The following KAZN variants were observed in gnomAD, a reference collection of about 807,000 sequenced individuals.
KAZN encodes kazrin, periplakin interacting protein, also known as kazrin.
KAZN carries 40 observed loss-of-function variants against 87.4 expected under a neutral mutation model. The observed-to-expected ratio is 0.46, with a 90% CI of 0.36 to 0.60. The LOEUF (loss-of-function observed/expected upper bound fraction) is 0.60. Among genes scored for constraint, KAZN ranks in the 20% least tolerant of loss-of-function variants. The pLI is 0.00. For synonymous variants in KAZN, 466 were observed against 458.3 expected (o/e 1.02, Z -0.22); for missense variants, 898 against 1,073.9 (o/e 0.84, Z 2.29).
intron 2 of KAZN, among the ~76,000 whole-genome samples, chr1:14,203,105 A>G (rs548553851): frequency 6.6e-6 from 1 of 152,124 alleles, no homozygotes; most frequent in South Asian, 2.1e-4. Flanking sequence ...ATGTTGCATT[A>G]TACTAGATAA....
At chr1:14,022,133 A>G (rs1365747611) in intron 1 of KAZN, among the ~76,000 whole-genome samples, 2 of 151,956 alleles carry the variant, frequency 1.3e-5, no homozygotes, top group Non-Finnish European at 2.9e-5. Flanking sequence ...AGGACTGAAT[A>G]ATGACTAGGA....
At chr1:14,420,543 C>G (rs953099739) in intron 2 of KAZN, among the ~76,000 whole-genome samples, 1 of 152,168 alleles carries the variant, frequency 6.6e-6, no homozygotes, top group Non-Finnish European at 1.5e-5. Flanking sequence ...CCAGGTGCCG[C>G]GGAGCAAGGG....
intron 1 of KAZN, among the ~76,000 whole-genome samples, chr1:14,777,838 T>G (rs1268599056): frequency 6.6e-6 from 1 of 152,202 alleles, no homozygotes; most frequent in East Asian, 1.9e-4. Context: ...CCTCCCCTTT[T>G]TAGACCATAT....
chr1:14,979,023 G>A (rs1314556722), intron 2 of KAZN, among the ~76,000 whole-genome samples: 1 of 151,890 alleles, frequency 6.6e-6, no homozygotes, highest in Non-Finnish European at 1.5e-5. Flanking sequence ...TCCTGCCTCA[G>A]CCTCCTGAGC....
chr1:15,099,023 A>G lies in KAZN; in HGVS notation c.1548-2520A>G, dbSNP rs537847398. On this transcript the variant is annotated intron_variant, in intron 10 of 14. Transcript: ENST00000376030. The surrounding 1 kb of genome is among the most constrained non-coding windows in gnomAD (Gnocchi z 5.4). ...GGGGACTTCCAGGGGCTTTGGACACAGAGAAGGGCTCCTGACCCAGCATGA... is the reference window on the plus strand; with the variant it reads ...GGGGACTTCCAGGGGCTTTGGACACGGAGAAGGGCTCCTGACCCAGCATGA... 2.0e-5 allele frequency among the ~76,000 whole-genome samples: 3 copies of G among 152,326 alleles called. No individual in the cohort carries two copies. The highest frequency in any genetic ancestry group is 7.2e-5 in the African/African-American group (3 of 41,596).
At chr1:14,382,763 A>C (rs940430026) in intron 2 of KAZN, among the ~76,000 whole-genome samples, 2 of 148,838 alleles carry the variant, frequency 1.3e-5, no homozygotes, top group African/African-American at 4.9e-5. Flanking sequence ...ATTGTGAATA[A>C]TGCCGCAATA....
At chr1:14,795,802 C>G in intron 1 of KAZN, among the ~76,000 whole-genome samples, 1 of 152,158 alleles carries the variant, frequency 6.6e-6, no homozygotes, top group East Asian at 1.9e-4. Flanking sequence ...CCCTCAGGGC[C>G]TTTGCACATG....
intron 1 of KAZN, among the ~76,000 whole-genome samples, chr1:14,793,357 C>T (rs1572496396): frequency 6.6e-6 from 1 of 152,056 alleles, no homozygotes; most frequent in Non-Finnish European, 1.5e-5. Flanking sequence ...ATGCACGGCA[C>T]GTCCTTGTGC....
At chr1:14,700,374 A>T (rs1361870659) in intron 1 of KAZN, among the ~76,000 whole-genome samples, 1 of 151,988 alleles carries the variant, frequency 6.6e-6, no homozygotes, top group Non-Finnish European at 1.5e-5. Context: ...CAGGAGACTG[A>T]GGAGGAGAAT....
At chr1:14,837,834 C>T (rs1572615408) in intron 1 of KAZN, among the ~76,000 whole-genome samples, 2 of 152,106 alleles carry the variant, frequency 1.3e-5, no homozygotes, top group Admixed American at 6.6e-5. Context: ...GGATTACAGG[C>T]GTGAGCCATG....
chr1:14,984,577 C>T (rs781621802), intron 2 of KAZN, among the ~76,000 whole-genome samples: 43 of 151,980 alleles, frequency 2.8e-4, no homozygotes, highest in Non-Finnish European at 4.6e-4. Context: ...GAGCAAGAAG[C>T]CATGTCCCCC....
At chr1:13,952,369 TAATAATA>T (rs1251027355) in intron 1 of KAZN, among the ~76,000 whole-genome samples, 31 of 138,124 alleles carry the variant, frequency 2.2e-4, no homozygotes, top group Admixed American at 7.0e-4. Flanking sequence ...ATAATAATAA[TAATAATA>T]ATATCAATAT....
intron 1 of KAZN, among the ~76,000 whole-genome samples, chr1:14,600,949 A>G (rs6676514): frequency 0.81 from 123,982 of 152,190 alleles, 50,648 homozygotes; most frequent in African/African-American, 0.87. Context: ...GCTCAACTTG[A>G]AAACTGACAT....
chr1:14,144,473 G>A (rs1217673292), intron 1 of KAZN, among the ~76,000 whole-genome samples: 3 of 151,380 alleles, frequency 2.0e-5, no homozygotes, highest in African/African-American at 7.3e-5. Flanking sequence ...TTTTTTTGTA[G>A]AGTTGGCATC....
chr1:13,999,327 G>A (rs977463323), intron 1 of KAZN, among the ~76,000 whole-genome samples: 1 of 150,414 alleles, frequency 6.6e-6, no homozygotes, highest in African/African-American at 2.5e-5. Context: ...CAGCCTGGGT[G>A]ACGGTGCAAG....
chr1:14,220,148 C>T (rs1179727730), intron 2 of KAZN, among the ~76,000 whole-genome samples: 2 of 152,124 alleles, frequency 1.3e-5, no homozygotes, highest in East Asian at 3.9e-4. Flanking sequence ...TGTTCTCCTG[C>T]CTTGGCATTA....
intron 2 of KAZN, among the ~76,000 whole-genome samples, chr1:14,284,262 T>C (rs544500800): frequency 6.6e-6 from 1 of 152,258 alleles, no homozygotes; most frequent in East Asian, 1.9e-4. Context: ...TTTAAGCAGG[T>C]GAATTGTATG....
intron 1 of KAZN, chr1:14,924,262 C>T (rs893051471): frequency 2.0e-6 from 2 of 982,052 alleles, no homozygotes; most frequent in Non-Finnish European, 1.2e-6. Flanking sequence ...GGGGCGGGCT[C>T]GGCTGCGCCC....
chr1:14,483,297 G>A (rs1211907776), intron 2 of KAZN, among the ~76,000 whole-genome samples: 1 of 152,108 alleles, frequency 6.6e-6, no homozygotes, highest in East Asian at 1.9e-4. Context: ...CCTCCTCCAT[G>A]CAACCCTGGA....
Sources: gnomAD v4.1 joint callset for allele counts (sites outside exome capture counted in the v4.1 genomes callset) on GRCh38, gnomAD v4.1.1 for gene constraint, Gnocchi (gnomAD v3.1) non-coding constraint, MANE v1.5 for transcripts, NCBI Gene and HGNC (gene_info 2026-07-23, HGNC 2026-07-21) for gene names.